TRIP12: variants seen among roughly 807,000 people sequenced by gnomAD.
TRIP12 encodes thyroid hormone receptor interactor 12.
In TRIP12, 25 loss-of-function variants were observed where a neutral mutation model predicts 244.2. The ratio of observed to expected loss-of-function variants is 0.10; its 90% CI spans 0.07 to 0.14. The LOEUF (loss-of-function observed/expected upper bound fraction) is 0.14, where lower values mean the gene tolerates loss of function less well. Among genes scored for constraint, TRIP12 ranks in the 10% least tolerant of loss-of-function variants. TRIP12 has a pLI of 1.00. For synonymous variants in TRIP12, 905 were observed against 873.1 expected (o/e 1.04, Z -0.64); for missense variants, 1,677 against 2,486.4 (o/e 0.67, Z 6.92).
At chr2:229,912,030 A>C (rs1322189889) in intron 1 of TRIP12, among the ~76,000 whole-genome samples, 1 of 152,246 alleles carries the variant, frequency 6.6e-6, no homozygotes, top group Non-Finnish European at 1.5e-5. Context: ...GGTATCAAAA[A>C]GTATTTTGAA....
chr2:229,770,316 TG>T (rs1261419162), intron 39 of TRIP12, among the ~76,000 whole-genome samples: 1 of 152,164 alleles, frequency 6.6e-6, no homozygotes, highest in African/African-American at 2.4e-5. Flanking sequence ...ATTTTACAGA[TG>T]AAACAGTCCT....
intron 20 of TRIP12, 71 bp from the exon 21 acceptor site, chr2:229,802,530 A>T (rs1423000041): frequency 8.6e-7 from 1 of 1,168,536 alleles, no homozygotes; most frequent in Non-Finnish European, 1.2e-6. Flanking sequence ...CCATTACAAA[A>T]TCCCTAAATA....
upstream of TRIP12, chr2:229,922,250 C>G: frequency 6.2e-6 from 3 of 483,344 alleles, no homozygotes; most frequent in Admixed American, 3.5e-5. Context: ...TGGAGATCTA[C>G]TTGGTATCCC....
At chr2:229,806,242 C>G (rs2045848422) in intron 17 of TRIP12, 1 of 159,596 alleles carries the variant, frequency 6.3e-6, no homozygotes, top group Non-Finnish European at 1.4e-5. Context: ...ATCCATATAT[C>G]TTAGTATTCT....
intron 1 of TRIP12, among the ~76,000 whole-genome samples, chr2:229,886,022 C>T (rs772294344): frequency 1.3e-5 from 2 of 151,742 alleles, no homozygotes; most frequent in South Asian, 2.1e-4. Context: ...TAAAGAAAAA[C>T]GGGGGAAATC....
At chr2:229,812,375 C>T (rs968235039) in intron 13 of TRIP12, among the ~76,000 whole-genome samples, 6 of 152,122 alleles carry the variant, frequency 3.9e-5, no homozygotes, top group Admixed American at 1.3e-4. Context: ...GTCACTGTGC[C>T]CCCAGCCAAC....
Position 229,836,887 on chromosome 2 carries a change from A to T in TRIP12, c.1231T>A (p.Ser411Thr), listed in dbSNP as rs1444983759. 2 of 1,601,566 alleles carry T rather than the reference A, an allele frequency of 1.2e-6. No homozygotes were observed. The highest frequency in any genetic ancestry group is 1.4e-5 in the African/African-American group (1 of 73,906). ...GGAGCTTCATCTGTCCGAGCAGCTG[A>T]AGAATTTACTGCCTCCTGGTTGCTT... ...PESNQEAVNS[S>T]AARTDEAPQG... The change falls in exon 6 of 42, where the codon TCA becomes ACA. Residue 411 changes from serine (S) to threonine (T), a missense_variant. Ser to Thr is a moderately conservative substitution (Grantham distance 58). This residue lies in a region of TRIP12 where 143 missense variants were observed against 215.6 expected (regional missense o/e 0.66). Coordinates refer to ENST00000675903, the MANE Select transcript of TRIP12 (RefSeq NM_001348323.3).
At position 229,765,807 on chromosome 2, in the gene TRIP12, C is replaced by T. The variant is rs1347757487; in HGVS notation, c.*1747G>A. On this transcript the variant is annotated 3_prime_UTR_variant, in exon 42 of 42. Transcript: ENST00000675903. ...GTTAGTGGTGAAAACTGCAGAAACACAATTCCCTTCTTGGATTTCAGGGAA... is the reference window on the plus strand; with the variant it reads ...GTTAGTGGTGAAAACTGCAGAAACATAATTCCCTTCTTGGATTTCAGGGAA... The T allele has an allele frequency of 3.3e-5, 5 of 152,172 alleles. No individual in the cohort carries two copies. Among genetic ancestry groups the T allele is most frequent in the Non-Finnish European group, 5.9e-5 (4 of 68,046 alleles). The allele number at this position is 152,172 out of a possible 1,614,324, so 9.4% of individuals were successfully genotyped here. A position where few individuals can be genotyped will look rare whatever the true frequency, so the allele number is the denominator to read the frequency against.
At chr2:229,781,321 T>C (rs1461600464) in intron 34 of TRIP12, among the ~76,000 whole-genome samples, 2 of 152,232 alleles carry the variant, frequency 1.3e-5, no homozygotes, top group Non-Finnish European at 2.9e-5. Flanking sequence ...GTTTGACAAC[T>C]TGACTTAAAA....
At chr2:229,797,505 G>C (rs1041475253) in intron 24 of TRIP12, among the ~76,000 whole-genome samples, 185 bp downstream of exon 24, 4 of 152,220 alleles carry the variant, frequency 2.6e-5, no homozygotes, top group African/African-American at 9.6e-5. Context: ...ATTTAATACA[G>C]ACTGATGAAT....
chr2:229,836,391 C>T (rs2054823506), intron 6 of TRIP12, among the ~76,000 whole-genome samples: 2 of 152,016 alleles, frequency 1.3e-5, no homozygotes. Flanking sequence ...TAATTTTGTG[C>T]TTCTAATATA....
intron 6 of TRIP12, among the ~76,000 whole-genome samples, chr2:229,833,022 C>T (rs2053858355): frequency 6.6e-6 from 1 of 152,164 alleles, no homozygotes; most frequent in South Asian, 2.1e-4. Flanking sequence ...TGTTAGAGTA[C>T]TGCTGGGTTT....
intron 8 of TRIP12, among the ~76,000 whole-genome samples, chr2:229,819,199 A>G (rs1191658872): frequency 6.6e-6 from 1 of 152,106 alleles, no homozygotes; most frequent in Admixed American, 6.5e-5. Context: ...GTGAATACTC[A>G]ACAACCACAG....
intron 4 of TRIP12, among the ~76,000 whole-genome samples, chr2:229,841,131 C>T (rs981859198): frequency 9.2e-5 from 14 of 152,318 alleles, no homozygotes; most frequent in African/African-American, 3.4e-4. Context: ...GATCGGTCTT[C>T]TCACTTGGGC....
Position 229,788,926 on chromosome 2 carries a change from C to T in TRIP12, c.4710G>A (p.Lys1570=). 1 of 1,610,564 alleles carries T rather than the reference C, an allele frequency of 6.2e-7. No individual in the cohort carries two copies. The highest frequency in any genetic ancestry group is 8.5e-7 in the Non-Finnish European group (1 of 1,178,736). ...TAAATTCACTAGTTGGAATAATTTC[C>T]TTGCACATTGCATTCTGTAAAATGT... ...WYYLYDNAMC[K]EIIPTSEFIN... Residue 1570 remains lysine (K), a synonymous_variant, in exon 32 of 42, where the codon AAG becomes AAA. Transcript: ENST00000675903.
In TRIP12 at chr2:229,791,239, C is replaced by T; in HGVS notation, c.4428G>A (p.Val1476=). Reference sequence around the variant, plus strand: ...CTTTATTACTTTCTTCATCCTCTCTCACAGGTTTATACCTAAAATGACAAG... The same window carrying T: ...CTTTATTACTTTCTTCATCCTCTCTTACAGGTTTATACCTAAAATGACAAG... ...TKTHTIWYKP[V]REDEESNKDC... Residue 1476 remains valine (V), a synonymous_variant, in exon 30 of 42, where the codon GTG becomes GTA. Transcript: ENST00000675903. The T allele has an allele frequency of 1.2e-6, 2 of 1,614,068 alleles. No homozygotes were observed. The highest frequency in any genetic ancestry group is 1.7e-6 in the Non-Finnish European group (2 of 1,179,964).
chr2:229,907,497 A>G (rs893313014), intron 1 of TRIP12, among the ~76,000 whole-genome samples: 3 of 152,186 alleles, frequency 2.0e-5, no homozygotes, highest in Non-Finnish European at 4.4e-5. Context: ...GATGCAAAGG[A>G]AAGGAAAATA....
chr2:229,807,947 C>A, intron 16 of TRIP12, 83 bp from the exon 17 acceptor site: 1 of 1,425,032 alleles, frequency 7.0e-7, no homozygotes, highest in Non-Finnish European at 9.4e-7. Flanking sequence ...TAATCTCACA[C>A]AAACCAAAAG....
At chr2:229,806,240 A>G (rs2045846782) in intron 17 of TRIP12, 1 of 162,314 alleles carries the variant, frequency 6.2e-6, no homozygotes, top group South Asian at 2.0e-4. Flanking sequence ...TTATCCATAT[A>G]TCTTAGTATT....
Sources: allele counts gnomAD v4.1 joint callset (sites outside exome capture counted in the v4.1 genomes callset), GRCh38; gene constraint gnomAD v4.1.1; regional missense constraint gnomAD v4.1.1; transcripts MANE v1.5; gene names NCBI Gene and HGNC (gene_info 2026-07-23, HGNC 2026-07-21).